Variants in PHRF1 observed in about 807,000 individuals in gnomAD.
PHRF1 encodes the protein PHD and RING finger domain-containing protein 1.
In PHRF1, 53 loss-of-function variants were observed where a neutral mutation model predicts 128.9. The observed-to-expected ratio is 0.41, with a 90% CI of 0.33 to 0.52. PHRF1 has a LOEUF of 0.52. Ranked by LOEUF, PHRF1 falls within the 20% of genes least tolerant of loss-of-function variation. PHRF1 has a pLI of 0.21. For synonymous variants in PHRF1, 1,178 were observed against 980.6 expected (o/e 1.20, Z -3.76); for missense variants, 2,503 against 2,284.5 (o/e 1.10, Z -1.95).
chr11:599,080 G>A (rs768338442), intron 9 of PHRF1, among the ~76,000 whole-genome samples: 13 of 152,118 alleles, frequency 8.5e-5, no homozygotes, highest in Non-Finnish European at 1.3e-4. Context: ...AGACACCCCC[G>A]GCGCTGGTGC....
chr11:606,821 G>T, intron 13 of PHRF1: 1 of 861,046 alleles, frequency 1.2e-6, no homozygotes, highest in Non-Finnish European at 1.7e-6. Flanking sequence ...ATGTCCTGAT[G>T]GGGTACTGCC....
At chr11:596,702 A>G (rs767312405) in intron 6 of PHRF1, among the ~76,000 whole-genome samples, 7 of 152,196 alleles carry the variant, frequency 4.6e-5, no homozygotes, top group Non-Finnish European at 1.0e-4. Context: ...TCCCTCATCT[A>G]AGGACACCAA....
In PHRF1 at chr11:577,481, C is replaced by T. The variant is rs537537047; in HGVS notation, c.-22+889C>T. Among the ~76,000 whole-genome samples the T allele has an allele frequency of 2.0e-5, 3 of 152,234 alleles. No homozygotes were observed. The East Asian group carries it at 5.8e-4, about 29-fold the overall frequency. ...TAGTTGATCTCTCTCCTGGACCATC[C>T]GGTTTTCTTTCTTATTGGAAGAATG... On this transcript the variant is annotated intron_variant, in intron 1 of 17. Coordinates refer to ENST00000264555, the MANE Select transcript of PHRF1 (RefSeq NM_001286581.2).
Position 608,827 on chromosome 11 carries a change from C to T in PHRF1, c.3371C>T (p.Ser1124Phe). 1 of 1,612,060 alleles carries T rather than the reference C, an allele frequency of 6.2e-7. No individual in the cohort carries two copies. The highest frequency in any genetic ancestry group is 8.5e-7 in the Non-Finnish European group (1 of 1,179,810). The change falls in exon 14 of 18, where the codon TCC becomes TTC. Residue 1124 changes from serine to phenylalanine, a missense_variant. Ser to Phe is a radical substitution (Grantham distance 155). Coordinates refer to ENST00000264555, the MANE Select transcript of PHRF1 (RefSeq NM_001286581.2). ...TCCAGACCTCGGGGAAGGGAGTGCT[C>T]CCCCACCAGCAGCCTGGAGAGGCTC... ...SASRPRGRECSPTSSLERLCR... is the reference protein window; with the variant it reads ...SASRPRGRECFPTSSLERLCR...
chr11:590,130 TCAG>T (rs1195226945), intron 4 of PHRF1, among the ~76,000 whole-genome samples: 3 of 152,130 alleles, frequency 2.0e-5, no homozygotes, highest in Admixed American at 6.5e-5. Flanking sequence ...CGTGCAGGGT[TCAG>T]CAGCAGGGCT....
At chr11:588,952 AT>A (rs1439744471) in intron 4 of PHRF1, among the ~76,000 whole-genome samples, 1 of 152,000 alleles carries the variant, frequency 6.6e-6, no homozygotes, top group African/African-American at 2.4e-5. Context: ...CCTGGCCAAC[AT>A]GGTGAAACCC....
chr11:606,371 G>A, intron 12 of PHRF1, 71 bp from the exon 13 acceptor site: 1 of 1,465,282 alleles, frequency 6.8e-7, no homozygotes, highest in South Asian at 1.3e-5. Context: ...CCTGCTGCGG[G>A]GCTCTGCCTG....
chr11:580,845 C>T (rs899395412), intron 1 of PHRF1, among the ~76,000 whole-genome samples: 3 of 152,008 alleles, frequency 2.0e-5, no homozygotes, highest in South Asian at 2.1e-4. Flanking sequence ...CCCGCCACCA[C>T]GCCTGGCTAA....
rs201670892 is a variant in PHRF1 at position 608,129 on chromosome 11, G to T, written c.2673G>T (p.Glu891Asp). 1.9e-6 allele frequency: 3 copies of T among 1,611,640 alleles called. No homozygotes were observed. Among genetic ancestry groups the T allele is most frequent in the African/African-American group, 2.7e-5 (2 of 75,038 alleles). The change falls in exon 14 of 18, where the codon GAG (glutamate) becomes GAT (aspartate). Residue 891 changes from glutamate to aspartate, a missense_variant. By Grantham distance (45) the Glu-to-Asp change is conservative. Transcript: ENST00000264555. ...SYTVESIFGT[E>D]PEPPLGPSSA... ...CGGTGGAGAGCATCTTTGGTACAGA[G>T]CCCGAACCCCCTCTCGGACCGTCCT... is the stretch of plus-strand genomic sequence containing the variant.
chr11:611,823 G>A lies in PHRF1; in HGVS notation c.*46G>A, dbSNP rs755084379. 1.6e-5 allele frequency: 25 copies of A among 1,547,056 alleles called. No homozygotes were observed. The East Asian group carries it at 2.7e-4, about 16-fold the overall frequency. Reference sequence around the variant, plus strand: ...TGCCCGGGGAGCTGTCGGGAGTGGCGGGAATCGGGGCCATGCCCGGGGAGC... The same window carrying A: ...TGCCCGGGGAGCTGTCGGGAGTGGCAGGAATCGGGGCCATGCCCGGGGAGC... On this transcript the variant is annotated 3_prime_UTR_variant, in exon 18 of 18. Transcript: ENST00000264555.
At chr11:577,804 C>T (rs1484509317) in intron 1 of PHRF1, among the ~76,000 whole-genome samples, 1 of 152,272 alleles carries the variant, frequency 6.6e-6, no homozygotes, top group African/African-American at 2.4e-5. Context: ...TGCAGGCACC[C>T]CGGACACCAG....
intron 17 of PHRF1, among the ~76,000 whole-genome samples, 175 bp downstream of exon 17, chr11:611,257 G>A (rs1049816469): frequency 1.3e-5 from 2 of 152,168 alleles, no homozygotes; most frequent in Admixed American, 1.3e-4. Context: ...AAGCCTGTTC[G>A]CCTGTGGCTG....
At chr11:601,787 G>C in intron 10 of PHRF1, 86 bp downstream of exon 10, 1 of 1,549,994 alleles carries the variant, frequency 6.5e-7, no homozygotes, top group Non-Finnish European at 8.8e-7. Flanking sequence ...CCTCCCGCTG[G>C]CCTTGGCACC....
chr11:596,344 C>T (rs188067748), intron 6 of PHRF1, among the ~76,000 whole-genome samples: 16 of 152,302 alleles, frequency 1.1e-4, no homozygotes, highest in Admixed American at 3.9e-4. Context: ...ACATAGTTTC[C>T]TTTCAGCAAA....
chr11:599,708 G>A (rs1412642457), intron 9 of PHRF1, among the ~76,000 whole-genome samples: 1 of 152,188 alleles, frequency 6.6e-6, no homozygotes, highest in Admixed American at 6.5e-5. Flanking sequence ...ATCACTGTGT[G>A]TCGGTCGTGC....
chr11:577,502 G>C (rs189408818), intron 1 of PHRF1, among the ~76,000 whole-genome samples: 32 of 152,374 alleles, frequency 2.1e-4, no homozygotes, highest in Admixed American at 2.1e-3. Context: ...CTTATTGGAA[G>C]AATGTTAAGT....
chr11:610,152 G>T (rs779912318), intron 14 of PHRF1, 44 bp from the exon 15 acceptor site: 1 of 1,460,860 alleles, frequency 6.8e-7, no homozygotes, highest in Non-Finnish European at 9.1e-7. Flanking sequence ...TTCTGGGCAG[G>T]GGTGGGCACA....
At chr11:577,119 C>T (rs1853909283) in intron 1 of PHRF1, among the ~76,000 whole-genome samples, 1 of 152,224 alleles carries the variant, frequency 6.6e-6, no homozygotes, top group Admixed American at 6.5e-5. Context: ...GTCTGCATGT[C>T]CACAGGCCTG....
At chr11:584,880 G>T (rs1466342832) in intron 3 of PHRF1, among the ~76,000 whole-genome samples, 2 of 152,000 alleles carry the variant, frequency 1.3e-5, no homozygotes, top group Non-Finnish European at 2.9e-5. Flanking sequence ...TCGGATTACA[G>T]GCGCGCACCA....
Sources: allele counts gnomAD v4.1 joint callset (sites outside exome capture counted in the v4.1 genomes callset), GRCh38; gene constraint gnomAD v4.1.1; transcripts MANE v1.5; gene names NCBI Gene and HGNC (gene_info 2026-07-23, HGNC 2026-07-21).